Variants in TULP4 observed in about 807,000 individuals in gnomAD.
TULP4 encodes the protein tubby-related protein 4.
A neutral mutation model predicts 129.0 loss-of-function variants in TULP4; 16 were observed. The observed-to-expected ratio is 0.12, with a 90% confidence interval of 0.08 to 0.19. The LOEUF (loss-of-function observed/expected upper bound fraction) is 0.19, where lower values mean the gene tolerates loss of function less well. Among genes scored for constraint, TULP4 ranks in the 10% least tolerant of loss-of-function variants. The probability of loss-of-function intolerance (pLI) is 1.00; values close to 1 mark genes in which losing one functional copy is unlikely to be tolerated. For synonymous variants in TULP4, 998 were observed against 854.0 expected (o/e 1.17, Z -2.94); for missense variants, 1,842 against 2,059.1 (o/e 0.89, Z 2.04).
At chr6:158,406,698 G>A (rs1777984094) in intron 1 of TULP4, among the ~76,000 whole-genome samples, 1 of 152,216 alleles carries the variant, frequency 6.6e-6, no homozygotes, top group Non-Finnish European at 1.5e-5. Flanking sequence ...CCACTTAATA[G>A]ATGAGAAGCA....
At chr6:158,392,920 C>G (rs768785305) in intron 1 of TULP4, among the ~76,000 whole-genome samples, 1 of 145,306 alleles carries the variant, frequency 6.9e-6, no homozygotes, top group Admixed American at 7.1e-5. Flanking sequence ...CCTGCCTCAG[C>G]CTCCTGAATA....
At chr6:158,484,742 G>A (rs573084654) in intron 8 of TULP4, among the ~76,000 whole-genome samples, 40 of 152,318 alleles carry the variant, frequency 2.6e-4, no homozygotes, top group African/African-American at 8.9e-4. Context: ...CAGGAAGCAG[G>A]CGTTGTCACC....
intron 3 of TULP4, among the ~76,000 whole-genome samples, chr6:158,432,804 A>G (rs941624583): frequency 2.0e-5 from 3 of 152,254 alleles, no homozygotes; most frequent in Non-Finnish European, 4.4e-5. Flanking sequence ...AGTTGAGAAA[A>G]TAAACCTTCC....
upstream of TULP4, among the ~76,000 whole-genome samples, chr6:158,279,001 G>C (rs867035021): frequency 1.4e-5 from 2 of 147,334 alleles, no homozygotes; most frequent in Non-Finnish European, 3.0e-5. Flanking sequence ...GTGCAGTGGC[G>C]TGATCTCGGC....
intron 6 of TULP4, among the ~76,000 whole-genome samples, chr6:158,477,314 C>T (rs546794613): frequency 6.6e-6 from 1 of 152,110 alleles, no homozygotes; most frequent in South Asian, 2.1e-4. Context: ...AGGATAAATA[C>T]AGAGTGTCTG....
chr6:158,475,385 C>T (rs907873950), intron 6 of TULP4, among the ~76,000 whole-genome samples: 1 of 152,212 alleles, frequency 6.6e-6, no homozygotes, highest in Non-Finnish European at 1.5e-5. Flanking sequence ...CAGATTTAGA[C>T]GTGTAAAATA....
At chr6:158,403,499 CCGG>C (rs1372591992) in intron 1 of TULP4, among the ~76,000 whole-genome samples, 2 of 152,114 alleles carry the variant, frequency 1.3e-5, no homozygotes, top group African/African-American at 2.4e-5. Flanking sequence ...GCCCCTATGC[CCGG>C]CTAATTTTTG....
chr6:158,368,122 G>C (rs985081888), intron 1 of TULP4, among the ~76,000 whole-genome samples: 1 of 146,824 alleles, frequency 6.8e-6, no homozygotes, highest in Non-Finnish European at 1.5e-5. Context: ...TGAGTTGTAC[G>C]TGGACATTTG....
At chr6:158,439,586 G>T (rs1226023970) in intron 3 of TULP4, among the ~76,000 whole-genome samples, 5 of 151,034 alleles carry the variant, frequency 3.3e-5, no homozygotes, top group Non-Finnish European at 7.4e-5. Flanking sequence ...TTAAGATTGT[G>T]ATTATAGGCA....
chr6:158,319,187 T>C (rs2128485835), intron 1 of TULP4, among the ~76,000 whole-genome samples: 1 of 152,270 alleles, frequency 6.6e-6, no homozygotes, highest in East Asian at 1.9e-4. Context: ...TGTTTTATTA[T>C]GGGGGCTGCC....
intron 1 of TULP4, chr6:158,242,358 G>A: frequency 6.6e-7 from 1 of 1,514,916 alleles, no homozygotes; most frequent in Non-Finnish European, 9.1e-7. Context: ...GCTTTGAGCT[G>A]CAACAACTGC....
intron 1 of TULP4, among the ~76,000 whole-genome samples, chr6:158,394,660 G>A (rs1001111657): frequency 6.6e-6 from 1 of 151,322 alleles, no homozygotes; most frequent in Non-Finnish European, 1.5e-5. Flanking sequence ...GGTGGCGGGC[G>A]CCTGTAGTCC....
At chr6:158,235,935 A>G (rs1205855605) in intron 1 of TULP4, among the ~76,000 whole-genome samples, 1 of 152,248 alleles carries the variant, frequency 6.6e-6, no homozygotes, top group Non-Finnish European at 1.5e-5. Flanking sequence ...ATGAGGACCC[A>G]TGGGGGATAA....
chr6:158,443,897 A>G (rs1778955298), intron 3 of TULP4, among the ~76,000 whole-genome samples: 1 of 152,190 alleles, frequency 6.6e-6, no homozygotes, highest in African/African-American at 2.4e-5. Context: ...TCTGAAGGCC[A>G]GTATTCTGAA....
intron 1 of TULP4, among the ~76,000 whole-genome samples, chr6:158,240,840 G>C (rs1380624188): frequency 6.6e-6 from 1 of 150,576 alleles, no homozygotes; most frequent in Admixed American, 6.6e-5. Context: ...TGGCTGGGCG[G>C]GGGGGCTGAC....
intron 13 of TULP4, 142 bp from the exon 14 acceptor site, chr6:158,506,436 T>G: frequency 1.5e-6 from 1 of 687,046 alleles, no homozygotes; most frequent in Non-Finnish European, 2.7e-6. Context: ...TTTCACCGTG[T>G]TAGCCAGGGT....
Position 158,503,547 on chromosome 6 carries a change from C to T in TULP4, c.3884C>T (p.Pro1295Leu). ...LVVEKPLVSP[P>L]PADLQSHLGT... ...GTGGAGAAGCCCCTTGTGTCCCCAC[C>T]ACCTGCCGACCTCCAAAGCCACTTG... is the stretch of plus-strand genomic sequence containing the variant. Residue 1295 changes from proline (P) to leucine (L), a missense_variant, in exon 13 of 14, where the codon CCA (proline) becomes CTA (leucine). Physicochemically the swap from Pro to Leu is moderately conservative, Grantham distance 98. Around this residue, in one of 5 missense-constraint regions of TULP4, gnomAD observed 1,089 missense variants for 987.1 expected, o/e 1.10. Transcript: ENST00000367097. The surrounding 1 kb of genome is among the most constrained non-coding windows in gnomAD (Gnocchi z 4.3). 1 of 1,614,018 alleles carries T rather than the reference C, an allele frequency of 6.2e-7. No individual in the cohort carries two copies. The highest frequency in any genetic ancestry group is 8.5e-7 in the Non-Finnish European group (1 of 1,180,028).
chr6:158,423,257 T>TA (rs1778396327), intron 2 of TULP4, among the ~76,000 whole-genome samples: 1 of 152,178 alleles, frequency 6.6e-6, no homozygotes, highest in African/African-American at 2.4e-5. Flanking sequence ...AAAGATTTCT[T>TA]AGACTGGATG....
intron 1 of TULP4, among the ~76,000 whole-genome samples, chr6:158,258,624 T>G (rs751922058): frequency 3.3e-5 from 5 of 152,246 alleles, no homozygotes; most frequent in Non-Finnish European, 5.9e-5. Flanking sequence ...GGAAAGGACC[T>G]GGGCTGTGAA....
Sources: gnomAD v4.1 joint callset for allele counts (sites outside exome capture counted in the v4.1 genomes callset) on GRCh38, gnomAD v4.1.1 for gene constraint, gnomAD v4.1.1 regional missense constraint, Gnocchi (gnomAD v3.1) non-coding constraint, MANE v1.5 for transcripts, NCBI Gene and HGNC (gene_info 2026-07-23, HGNC 2026-07-21) for gene names.